The following GFRA2 variants were observed in gnomAD, a reference collection of about 807,000 sequenced individuals.
GFRA2 encodes the protein GDNF family receptor alpha 2, also known as GDNF family receptor alpha-2.
Under a neutral mutation model 48.3 loss-of-function variants are expected in GFRA2, and 17 were observed. That is an observed-to-expected ratio of 0.35 (90% CI 0.24 to 0.53). The LOEUF (loss-of-function observed/expected upper bound fraction) is 0.53. Among genes scored for constraint, GFRA2 ranks in the 20% least tolerant of loss-of-function variants. The pLI, the probability that GFRA2 is intolerant of heterozygous loss-of-function variation, is 0.93. For missense variants in GFRA2, 660 were observed against 637.3 expected (o/e 1.04, Z -0.38); for synonymous variants, 305 against 257.2 (o/e 1.19, Z -1.78).
intron 4 of GFRA2, among the ~76,000 whole-genome samples, chr8:21,740,095 C>CCACACTAGA (rs1238292069): frequency 6.6e-6 from 1 of 152,142 alleles, no homozygotes; most frequent in African/African-American, 2.4e-5. Flanking sequence ...GGTGTGCTCC[C>CCACACTAGA]CACACTAGAG....
chr8:21,729,022 G>A (rs780404119), intron 4 of GFRA2, among the ~76,000 whole-genome samples: 6 of 152,202 alleles, frequency 3.9e-5, no homozygotes, highest in Non-Finnish European at 7.3e-5. Flanking sequence ...CACCACATGG[G>A]GCAGTTCAAG....
At chr8:21,702,692 T>A in intron 7 of GFRA2, 113 bp downstream of exon 7, 8 of 1,094,452 alleles carry the variant, frequency 7.3e-6, no homozygotes, top group Non-Finnish European at 1.0e-5. Flanking sequence ...TCCCTGCCTC[T>A]TGGGTCCCTG....
intron 3 of GFRA2, among the ~76,000 whole-genome samples, chr8:21,770,815 C>A (rs1806401910): frequency 6.6e-6 from 1 of 152,184 alleles, no homozygotes; most frequent in Admixed American, 6.5e-5. Flanking sequence ...TCTCTAGCCC[C>A]ACAAGTCCAC....
chr8:21,754,890 A>G (rs1467415615), intron 3 of GFRA2, among the ~76,000 whole-genome samples: 1 of 152,186 alleles, frequency 6.6e-6, no homozygotes, highest in Non-Finnish European at 1.5e-5. Context: ...GTACATCCAG[A>G]CAAAAGAATC....
At chr8:21,786,482 G>C (rs894001798) in intron 1 of GFRA2, among the ~76,000 whole-genome samples, 13 of 152,326 alleles carry the variant, frequency 8.5e-5, no homozygotes, top group Admixed American at 3.3e-4. Context: ...GGGTTTTCAA[G>C]CTAGCAGTGG....
At chr8:21,740,924 C>T (rs968804913) in intron 4 of GFRA2, among the ~76,000 whole-genome samples, 8 of 152,194 alleles carry the variant, frequency 5.3e-5, no homozygotes, top group African/African-American at 1.2e-4. Context: ...CTTCTACCTC[C>T]GAAATATCTC....
intron 7 of GFRA2, among the ~76,000 whole-genome samples, chr8:21,699,090 C>A (rs914603031): frequency 6.6e-6 from 1 of 152,228 alleles, no homozygotes; most frequent in Non-Finnish European, 1.5e-5. Flanking sequence ...TGTCAATCCT[C>A]CAGCACCGGG....
At chr8:21,699,828 T>C (rs1802383091) in intron 7 of GFRA2, among the ~76,000 whole-genome samples, 1 of 152,092 alleles carries the variant, frequency 6.6e-6, no homozygotes, top group African/African-American at 2.4e-5. Context: ...CACCGGGGTC[T>C]CTCCTTCCAC....
intron 2 of GFRA2, among the ~76,000 whole-genome samples, chr8:21,794,233 CTTT>C (rs1159236794): frequency 3.0e-3 from 203 of 66,950 alleles, no homozygotes; most frequent in African/African-American, 0.011. Flanking sequence ...CTGAGAGTGA[CTTT>C]TTTTTTTTTT....
chr8:21,745,289 C>T (rs1379949220), intron 4 of GFRA2, among the ~76,000 whole-genome samples: 2 of 152,188 alleles, frequency 1.3e-5, no homozygotes, highest in Non-Finnish European at 1.5e-5. Flanking sequence ...GCCTGGGCAT[C>T]TCTAGGCCAA....
At chr8:21,809,631 AT>A (rs1358171762) in intron 1 of GFRA2, among the ~76,000 whole-genome samples, 1 of 151,996 alleles carries the variant, frequency 6.6e-6, no homozygotes, top group African/African-American at 2.4e-5. Context: ...CCGGCCAACA[AT>A]TTGTATCTGA....
intron 3 of GFRA2, among the ~76,000 whole-genome samples, chr8:21,768,600 G>C (rs961923474): frequency 1.3e-5 from 2 of 152,106 alleles, no homozygotes; most frequent in Non-Finnish European, 1.5e-5. Context: ...AGAGGGAGCC[G>C]ACCCAGGGAA....
chr8:21,703,185 G>T (rs1802570210), intron 6 of GFRA2, among the ~76,000 whole-genome samples: 1 of 152,166 alleles, frequency 6.6e-6, no homozygotes, highest in African/African-American at 2.4e-5. Flanking sequence ...TAGCAAGAGA[G>T]AGGTTAAAAA....
chr8:21,797,287 C>CTTTTTTTTTTTTTTTTTTTTTTTTTTTTT (rs1159867192), intron 2 of GFRA2, among the ~76,000 whole-genome samples: 5 of 85,646 alleles, frequency 5.8e-5, no homozygotes, highest in Non-Finnish European at 6.5e-5. Flanking sequence ...CCTTTCTTTG[C>CTTTTTTTTTTTTTTTTTTTTTTTTTTTTT]TTTTTTTTTT....
At chr8:21,710,533 C>A (rs578110988) in intron 4 of GFRA2, among the ~76,000 whole-genome samples, 1 of 152,214 alleles carries the variant, frequency 6.6e-6, no homozygotes, top group African/African-American at 2.4e-5. Context: ...GGCCTCCTGA[C>A]CCCACCGTCC....
At chr8:21,702,736 G>A in intron 7 of GFRA2, 69 bp downstream of exon 7, 2 of 1,463,246 alleles carry the variant, frequency 1.4e-6, no homozygotes, top group South Asian at 2.8e-5. Flanking sequence ...CCTGGCCTCA[G>A]CTGAGTCATT....
chr8:21,699,118 T>C (rs928944998), intron 7 of GFRA2, among the ~76,000 whole-genome samples: 14 of 152,332 alleles, frequency 9.2e-5, no homozygotes, highest in Admixed American at 5.9e-4. Context: ...TCCCGGCCCA[T>C]GAGGCTTGTT....
chr8:21,709,317 G>T (rs1802900874), intron 4 of GFRA2, among the ~76,000 whole-genome samples: 1 of 152,202 alleles, frequency 6.6e-6, no homozygotes, highest in African/African-American at 2.4e-5. Flanking sequence ...CACATAGCCT[G>T]GACCAGGCAA....
chr8:21,748,907 T>C (rs1805138070), intron 4 of GFRA2, among the ~76,000 whole-genome samples: 1 of 152,174 alleles, frequency 6.6e-6, no homozygotes, highest in African/African-American at 2.4e-5. Flanking sequence ...TTCCACCCTG[T>C]GCCATGCTTT....
Sources: allele counts gnomAD v4.1 joint callset (sites outside exome capture counted in the v4.1 genomes callset), GRCh38; gene constraint gnomAD v4.1.1; transcripts MANE v1.5; gene names NCBI Gene and HGNC (gene_info 2026-07-23, HGNC 2026-07-21).